Variants in ACER3 observed in about 807,000 individuals in gnomAD.
The protein encoded by ACER3 is alkaline ceramidase 3, also known as alkCDase 3.
A neutral mutation model predicts 48.9 loss-of-function variants in ACER3; 16 were observed. That is an observed-to-expected ratio of 0.33 (90% CI 0.22 to 0.50). ACER3 has a LOEUF of 0.50. Among genes scored for constraint, ACER3 ranks in the 20% least tolerant of loss-of-function variants. The probability of loss-of-function intolerance (pLI) is 0.98; values close to 1 mark genes in which losing one functional copy is unlikely to be tolerated. For missense variants in ACER3, 227 were observed against 326.0 expected (o/e 0.70, Z 2.34); for synonymous variants, 109 against 107.8 (o/e 1.01, Z -0.07).
intron 2 of ACER3, among the ~76,000 whole-genome samples, chr11:76,948,249 G>A (rs1565193750): frequency 6.7e-6 from 1 of 148,156 alleles, no homozygotes; most frequent in African/African-American, 2.6e-5. Flanking sequence ...GTGTGTGTGT[G>A]TGTGTGTGTG....
chr11:76,935,984 A>G (rs936207578), intron 2 of ACER3, among the ~76,000 whole-genome samples: 1 of 152,184 alleles, frequency 6.6e-6, no homozygotes, highest in African/African-American at 2.4e-5. Context: ...GCTTAATGCA[A>G]AAATAATTCC....
At chr11:76,907,968 G>A (rs951104605) in intron 1 of ACER3, among the ~76,000 whole-genome samples, 2 of 152,218 alleles carry the variant, frequency 1.3e-5, no homozygotes, top group Admixed American at 6.5e-5. Flanking sequence ...GGGCACAGTG[G>A]CTGACGCCTG....
intron 1 of ACER3, among the ~76,000 whole-genome samples, chr11:76,886,257 G>A (rs139913151): frequency 1.3e-5 from 2 of 152,260 alleles, no homozygotes; most frequent in East Asian, 3.9e-4. Flanking sequence ...GTTTGGTCTA[G>A]GAACTTTGGG....
chr11:76,898,525 G>T (rs1032338916), intron 1 of ACER3, among the ~76,000 whole-genome samples: 1 of 152,130 alleles, frequency 6.6e-6, no homozygotes, highest in Non-Finnish European at 1.5e-5. Context: ...AGTTTTAATG[G>T]AGTATATTTT....
intron 1 of ACER3, among the ~76,000 whole-genome samples, chr11:76,919,567 A>G (rs1411819658): frequency 1.3e-5 from 2 of 152,168 alleles, no homozygotes; most frequent in Non-Finnish European, 1.5e-5. Context: ...TTCCTTCCAG[A>G]AAAAAAGTGT....
chr11:76,879,876 C>T (rs1226632945), intron 1 of ACER3, among the ~76,000 whole-genome samples: 2 of 148,594 alleles, frequency 1.3e-5, no homozygotes, highest in Non-Finnish European at 2.9e-5. Flanking sequence ...TTTTTTTTGA[C>T]GTTTGTTTTT....
chr11:77,018,182 AT>A (rs1163354238), intron 9 of ACER3, among the ~76,000 whole-genome samples: 2 of 151,978 alleles, frequency 1.3e-5, no homozygotes, highest in Non-Finnish European at 2.9e-5. Flanking sequence ...TCAAGTGATC[AT>A]CCCACCTCAG....
chr11:76,965,609 C>T (rs993728819), intron 3 of ACER3, among the ~76,000 whole-genome samples: 1 of 151,326 alleles, frequency 6.6e-6, no homozygotes, highest in African/African-American at 2.5e-5. Context: ...CAGCTGATCT[C>T]TCAGCAGAAA....
chr11:77,005,394 T>C (rs569466837), intron 7 of ACER3, among the ~76,000 whole-genome samples: 16 of 152,146 alleles, frequency 1.1e-4, no homozygotes, highest in Admixed American at 5.9e-4. Flanking sequence ...TAATCAGCAT[T>C]TTACCAGTTC....
At chr11:76,956,338 C>CA (rs1158021362) in intron 2 of ACER3, among the ~76,000 whole-genome samples, 1 of 152,020 alleles carries the variant, frequency 6.6e-6, no homozygotes, top group East Asian at 1.9e-4. Context: ...CAGGAGAGCA[C>CA]TTTTTAAAAG....
chr11:76,913,165 CTGTT>C (rs1946429693), intron 1 of ACER3, among the ~76,000 whole-genome samples: 1 of 152,144 alleles, frequency 6.6e-6, no homozygotes, highest in East Asian at 1.9e-4. Context: ...ATTTGGCTCT[CTGTT>C]TGTCTGTTAT....
At position 77,025,842 on chromosome 11, in the gene ACER3, G is replaced by A. The variant is rs1315462438; in HGVS notation, c.*5515G>A. On this transcript the variant is annotated 3_prime_UTR_variant, in exon 11 of 11. Transcript: ENST00000532485. ...CTCTAGACTGTCAGCAAGTGGTACA[G>A]TGGTACAGTACAGTGGTACTGCCCA... is the stretch of plus-strand genomic sequence containing the variant. The A allele has an allele frequency of 6.6e-6, 1 of 152,226 alleles. No individual in the cohort carries two copies. Among genetic ancestry groups the A allele is most frequent in the Non-Finnish European group, 1.5e-5 (1 of 68,052 alleles). The allele number at this position is 152,226 out of a possible 1,614,324, so 9.4% of individuals were successfully genotyped here. A position where few individuals can be genotyped will look rare whatever the true frequency, so the allele number is the denominator to read the frequency against.
chr11:76,932,949 C>G (rs1379930731), intron 2 of ACER3, among the ~76,000 whole-genome samples: 1 of 151,906 alleles, frequency 6.6e-6, no homozygotes, highest in Non-Finnish European at 1.5e-5. Context: ...ACAGTACTGT[C>G]TAAAGGTAAA....
intron 1 of ACER3, among the ~76,000 whole-genome samples, chr11:76,875,732 GTTTTTT>G (rs71040037): frequency 0.054 from 3,595 of 67,002 alleles, 33 homozygotes; most frequent in African/African-American, 0.19. Context: ...AGTTTTTGTT[GTTTTTT>G]TTTTTTTTTT....
intron 1 of ACER3, among the ~76,000 whole-genome samples, chr11:76,908,163 G>C (rs1428836617): frequency 6.6e-6 from 1 of 152,138 alleles, no homozygotes; most frequent in Non-Finnish European, 1.5e-5. Flanking sequence ...TTGAACCTGG[G>C]AGGTGGAGGT....
At chr11:77,014,686 G>A (rs1053412110) in intron 7 of ACER3, among the ~76,000 whole-genome samples, 3 of 152,144 alleles carry the variant, frequency 2.0e-5, no homozygotes, top group Non-Finnish European at 4.4e-5. Flanking sequence ...ACATATAGTA[G>A]GCAAATTATT....
At chr11:76,964,609 A>G (rs1591000944) in intron 3 of ACER3, among the ~76,000 whole-genome samples, 6 of 151,232 alleles carry the variant, frequency 4.0e-5, no homozygotes, top group Admixed American at 3.9e-4. Flanking sequence ...CTCTTCTGAG[A>G]CAAAACTTCC....
intron 1 of ACER3, among the ~76,000 whole-genome samples, chr11:76,907,365 G>A (rs919685893): frequency 1.3e-5 from 2 of 152,114 alleles, no homozygotes; most frequent in African/African-American, 4.8e-5. Flanking sequence ...TGTGAAACTA[G>A]TGTTATTTAG....
intron 2 of ACER3, among the ~76,000 whole-genome samples, chr11:76,928,483 A>G (rs1302808199): frequency 6.6e-6 from 1 of 152,066 alleles, no homozygotes; most frequent in African/African-American, 2.4e-5. Context: ...CCATTTGTCA[A>G]TTTTGGCTTT....
Sources: allele counts gnomAD v4.1 joint callset (sites outside exome capture counted in the v4.1 genomes callset), GRCh38; gene constraint gnomAD v4.1.1; transcripts MANE v1.5; gene names NCBI Gene and HGNC (gene_info 2026-07-23, HGNC 2026-07-21).